NOL10: variants seen among roughly 807,000 people sequenced by gnomAD.
NOL10 encodes nucleolar protein 10.
Under a neutral mutation model 103.5 loss-of-function variants are expected in NOL10, and 58 were observed. The observed-to-expected ratio is 0.56, with a 90% CI of 0.45 to 0.70. The LOEUF is 0.70. Ranked by LOEUF, NOL10 falls within the 30% of genes least tolerant of loss-of-function variation. NOL10 has a pLI of 0.00. For synonymous variants in NOL10, 287 were observed against 282.5 expected (o/e 1.02, Z -0.16); for missense variants, 763 against 807.3 (o/e 0.95, Z 0.67).
Position 10,682,065 on chromosome 2 carries a change from G to A in NOL10, c.117C>T (p.Val39=), listed in dbSNP as rs1337263496. Residue 39 remains valine, a synonymous_variant, in exon 3 of 21, where the codon GTC becomes GTT. Transcript: ENST00000381685. ...CCTGAATAAGTTCAATTCTCCTACG[G>A]ACATCTAAAAAGAGAGAAAAAAACA... is the stretch of plus-strand genomic sequence containing the variant. The part of the protein sequence containing the change: ...KRALQKKDVD[V]RRRIELIQDF... 3 of 1,462,454 alleles carry A rather than the reference G, an allele frequency of 2.1e-6. No individual in the cohort carries two copies. Among genetic ancestry groups the A allele is most frequent in the South Asian group, 1.5e-5 (1 of 66,842 alleles). The allele number at this position is 1,462,454 out of a possible 1,614,324, so 90.6% of individuals were successfully genotyped here. A position where few individuals can be genotyped will look rare whatever the true frequency, so the allele number is the denominator to read the frequency against.
At chr2:10,578,803 A>G (rs186052848) in intron 19 of NOL10, among the ~76,000 whole-genome samples, 2 of 152,332 alleles carry the variant, frequency 1.3e-5, no homozygotes, top group East Asian at 3.9e-4. Context: ...GGCTAAAGCA[A>G]TAGATTCCTA....
chr2:10,679,809 C>G (rs1186596479), intron 3 of NOL10, among the ~76,000 whole-genome samples: 1 of 152,056 alleles, frequency 6.6e-6, no homozygotes, highest in African/African-American at 2.4e-5. Flanking sequence ...TTTATAGGGA[C>G]AGGATTTCAC....
At chr2:10,573,406 A>G (rs541898127) in intron 20 of NOL10, among the ~76,000 whole-genome samples, 7 of 152,170 alleles carry the variant, frequency 4.6e-5, no homozygotes, top group Admixed American at 1.3e-4. Context: ...GTTGTCCAGG[A>G]TGGTCTCGAT....
intron 10 of NOL10, among the ~76,000 whole-genome samples, chr2:10,658,541 AT>A (rs1679992285): frequency 6.6e-6 from 1 of 152,170 alleles, no homozygotes; most frequent in African/African-American, 2.4e-5. Context: ...CTGACCACTC[AT>A]GGCATGTGCT....
At chr2:10,644,142 G>A (rs965715614) in intron 13 of NOL10, among the ~76,000 whole-genome samples, 178 bp downstream of exon 13, 1 of 152,188 alleles carries the variant, frequency 6.6e-6, no homozygotes, top group African/African-American at 2.4e-5. Flanking sequence ...CCCAGCTACA[G>A]GAGGTTGAGG....
chr2:10,588,650 G>C (rs1413911213), intron 19 of NOL10, among the ~76,000 whole-genome samples: 1 of 152,190 alleles, frequency 6.6e-6, no homozygotes, highest in Non-Finnish European at 1.5e-5. Context: ...AGGGCACAGA[G>C]TAAGTATTTG....
chr2:10,686,629 G>C (rs1682229772), intron 1 of NOL10, among the ~76,000 whole-genome samples: 1 of 152,332 alleles, frequency 6.6e-6, no homozygotes, highest in Middle Eastern at 3.4e-3. Flanking sequence ...AACTGCAATT[G>C]CATAGTCAGG....
At chr2:10,635,612 T>C (rs1678154044) in intron 13 of NOL10, among the ~76,000 whole-genome samples, 1 of 152,210 alleles carries the variant, frequency 6.6e-6, no homozygotes, top group Non-Finnish European at 1.5e-5. Context: ...AGGAAGCCAC[T>C]GAACCCTGCT....
At position 10,572,191 on chromosome 2, in the gene NOL10, C is replaced by G. The variant is rs1455427940; in HGVS notation, c.1948-1G>C. The G allele has an allele frequency of 6.2e-7, 1 of 1,613,750 alleles. No homozygotes were observed. The highest frequency in any genetic ancestry group is 1.3e-5 in the African/African-American group (1 of 74,946). On this transcript the variant is annotated splice_acceptor_variant, in intron 20 of 20. Coordinates refer to ENST00000381685, the MANE Select transcript of NOL10 (RefSeq NM_024894.4). LOFTEE classifies it high-confidence loss of function. ...CCTGTTGCTTCTTCTGCTGTTCAGA[C>G]TAAAAGAGAAAATGAAATGAGTAGA...
At chr2:10,638,852 G>A (rs1236480190) in intron 13 of NOL10, among the ~76,000 whole-genome samples, 1 of 134,364 alleles carries the variant, frequency 7.4e-6, no homozygotes, top group African/African-American at 2.9e-5. Flanking sequence ...GCCCAGGCTG[G>A]AGTGCACTGG....
chr2:10,642,706 C>T (rs953217702), intron 13 of NOL10, among the ~76,000 whole-genome samples: 1 of 152,136 alleles, frequency 6.6e-6, no homozygotes, highest in African/African-American at 2.4e-5. Context: ...CCACTGGGCA[C>T]CTCACTCCAC....
At chr2:10,649,939 A>G (rs1263549263) in intron 12 of NOL10, among the ~76,000 whole-genome samples, 9 of 152,092 alleles carry the variant, frequency 5.9e-5, no homozygotes, top group Admixed American at 5.9e-4. Context: ...TTTTTTTCCA[A>G]CCATTTAAAA....
rs1460270939 is a variant in NOL10, at chr2:10,667,068, CAA to C, written c.591+148_591+149del. ...AGAAAAATGTTGTGTACATTCATCT[CAA>C]TATTTACTGAATGTTACTCTACAGG... On this transcript the variant is annotated intron_variant, in intron 8 of 20. Transcript: ENST00000381685. 3 of 578,688 alleles carry C rather than the reference CAA, an allele frequency of 5.2e-6. No homozygotes were observed. The East Asian group carries it at 8.6e-5, about 17-fold the overall frequency. The allele number at this position is 578,688 out of a possible 1,614,324, so 35.8% of individuals were successfully genotyped here.
At chr2:10,575,786 T>C (rs957636615) in intron 20 of NOL10, among the ~76,000 whole-genome samples, 2 of 152,140 alleles carry the variant, frequency 1.3e-5, no homozygotes, top group Non-Finnish European at 2.9e-5. Context: ...GCTGTGCTGC[T>C]CCTGCCCCAT....
intron 13 of NOL10, among the ~76,000 whole-genome samples, chr2:10,618,693 G>A (rs546925541): frequency 4.9e-4 from 75 of 152,234 alleles, no homozygotes; most frequent in African/African-American, 1.8e-3. Context: ...TAGGAAGGGA[G>A]GCCAGAAAAA....
chr2:10,579,799 C>G (rs150479066), intron 19 of NOL10, among the ~76,000 whole-genome samples: 1 of 151,644 alleles, frequency 6.6e-6, no homozygotes, highest in East Asian at 1.9e-4. Flanking sequence ...AAAAAGTTAA[C>G]AGGAATTCTG....
chr2:10,648,788 C>T (rs1010298861), intron 12 of NOL10, among the ~76,000 whole-genome samples: 1 of 151,740 alleles, frequency 6.6e-6, no homozygotes, highest in African/African-American at 2.4e-5. Flanking sequence ...TCACATAAAT[C>T]GAGGATGAAG....
chr2:10,586,530 G>A (rs1675028897), intron 19 of NOL10, among the ~76,000 whole-genome samples: 1 of 152,190 alleles, frequency 6.6e-6, no homozygotes, highest in Non-Finnish European at 1.5e-5. Flanking sequence ...GCCCTTGAAT[G>A]ACATGGGTTT....
chr2:10,670,643 G>A (rs896594642), intron 6 of NOL10, among the ~76,000 whole-genome samples: 4 of 152,152 alleles, frequency 2.6e-5, no homozygotes, highest in African/African-American at 9.7e-5. Context: ...GCTGGGGCTG[G>A]AGAATCACTT....
Sources: gnomAD v4.1 joint callset for allele counts (sites outside exome capture counted in the v4.1 genomes callset) on GRCh38, gnomAD v4.1.1 for gene constraint, MANE v1.5 for transcripts, NCBI Gene and HGNC (gene_info 2026-07-23, HGNC 2026-07-21) for gene names.